Variants in SLC44A5 observed in about 807,000 individuals in gnomAD.
The protein encoded by SLC44A5 is choline transporter-like protein 5.
In SLC44A5, 57 loss-of-function variants were observed where a neutral mutation model predicts 101.8. The ratio of observed to expected loss-of-function variants is 0.56; its 90% confidence interval spans 0.45 to 0.70. The LOEUF (loss-of-function observed/expected upper bound fraction) is 0.70, where lower values mean the gene tolerates loss of function less well. Ranked by LOEUF, SLC44A5 falls within the 30% of genes least tolerant of loss-of-function variation. The pLI, the probability that SLC44A5 is intolerant of heterozygous loss-of-function variation, is 0.00. For synonymous variants in SLC44A5, 281 were observed against 290.9 expected (o/e 0.97, Z 0.35); for missense variants, 737 against 853.1 (o/e 0.86, Z 1.70).
intron 2 of SLC44A5, among the ~76,000 whole-genome samples, chr1:75,503,602 T>C (rs1669087909): frequency 6.6e-6 from 1 of 152,202 alleles, no homozygotes; most frequent in South Asian, 2.1e-4. Flanking sequence ...CAGGTAGTTC[T>C]TTATAGCAGT....
At chr1:75,288,823 G>A (rs1653286757) in intron 5 of SLC44A5, among the ~76,000 whole-genome samples, 1 of 152,204 alleles carries the variant, frequency 6.6e-6, no homozygotes, top group Admixed American at 6.5e-5. Flanking sequence ...GGTAAGGACA[G>A]TACTGCATCT....
At chr1:75,544,609 C>G (rs965824385) in intron 1 of SLC44A5, among the ~76,000 whole-genome samples, 1 of 152,084 alleles carries the variant, frequency 6.6e-6, no homozygotes, top group African/African-American at 2.4e-5. Flanking sequence ...GTTCATTTCC[C>G]AATAAAGAAT....
At chr1:75,676,269 C>T in the SLC44A5 span, among the ~76,000 whole-genome samples, 5 of 152,146 alleles carry the variant, frequency 3.3e-5, no homozygotes, top group Admixed American at 3.3e-4. Flanking sequence ...CAGCACTATT[C>T]ACAATCACAA....
At chr1:75,399,820 T>C (rs960398408) in intron 2 of SLC44A5, among the ~76,000 whole-genome samples, 3 of 152,216 alleles carry the variant, frequency 2.0e-5, no homozygotes, top group Non-Finnish European at 2.9e-5. Flanking sequence ...CTTTCTGTAA[T>C]GCATGTAAAA....
chr1:75,621,411 G>A, the SLC44A5 span, among the ~76,000 whole-genome samples: 3 of 152,270 alleles, frequency 2.0e-5, no homozygotes, highest in South Asian at 6.2e-4. Flanking sequence ...GAAGTATTAA[G>A]TAAGCTCAAC....
chr1:75,590,199 A>G (rs1674270322), intron 1 of SLC44A5, among the ~76,000 whole-genome samples: 1 of 151,930 alleles, frequency 6.6e-6, no homozygotes, highest in Non-Finnish European at 1.5e-5. Flanking sequence ...GAGAAGACTC[A>G]GGAGGATTTT....
At chr1:75,466,688 T>C (rs962508513) in intron 2 of SLC44A5, among the ~76,000 whole-genome samples, 3 of 134,776 alleles carry the variant, frequency 2.2e-5, no homozygotes, top group African/African-American at 8.3e-5. Flanking sequence ...AGAAGGAACA[T>C]ACCTCAATAG....
At chr1:75,285,639 T>C (rs528486636) in intron 5 of SLC44A5, among the ~76,000 whole-genome samples, 1 of 152,242 alleles carries the variant, frequency 6.6e-6, no homozygotes, top group African/African-American at 2.4e-5. Flanking sequence ...CCACTTTTGC[T>C]GTATCCCAGA....
chr1:75,666,012 A>G, the SLC44A5 span, among the ~76,000 whole-genome samples: 4,829 of 152,276 alleles, frequency 0.032, 256 homozygotes, highest in African/African-American at 0.11. Flanking sequence ...ATGCTTATAT[A>G]CTGTTGATAG....
In SLC44A5 at chr1:75,544,078, T is replaced by C. The variant is rs142483310; in HGVS notation, c.-69-2562A>G. Among the ~76,000 whole-genome samples the C allele has an allele frequency of 1.3e-3, 205 of 152,316 alleles. 2 individuals carry two copies. The highest frequency in any genetic ancestry group is 4.8e-3 in the African/African-American group (200 of 41,568). ...ACTTATGGTGAAATTTAATTGCCAT[T>C]GTAACAATATTAAGAAGTGGGATCT... On this transcript the variant is annotated intron_variant, in intron 1 of 23. Transcript: ENST00000370859.
In SLC44A5 at chr1:75,591,124, T is replaced by A. The variant is rs899853599; in HGVS notation, c.-70+19916A>T. Among the ~76,000 whole-genome samples, 4 of 152,292 alleles carry A rather than the reference T, an allele frequency of 2.6e-5. No homozygotes were observed. In the East Asian group the frequency reaches 7.7e-4, roughly 29 times the overall value. On this transcript the variant is annotated intron_variant, in intron 1 of 23. Transcript: ENST00000370859. ...AGTAGGGGAAATAAACAAGAGTCTC[T>A]GCCTGGTAATCCAGAGAATTCTCCT...
chr1:75,408,432 T>C (rs920602010), intron 2 of SLC44A5, among the ~76,000 whole-genome samples: 6 of 152,194 alleles, frequency 3.9e-5, no homozygotes, highest in African/African-American at 1.4e-4. Context: ...ATTGCAGCAC[T>C]ATTCACAACA....
intron 4 of SLC44A5, among the ~76,000 whole-genome samples, chr1:75,322,377 T>C (rs567507769): frequency 6.0e-5 from 9 of 150,728 alleles, no homozygotes; most frequent in African/African-American, 2.0e-4. Context: ...AATACATCCT[T>C]ATTATTTGCT....
chr1:75,712,697 GAAAA>G, the SLC44A5 span, among the ~76,000 whole-genome samples: 2 of 22,138 alleles, frequency 9.0e-5, no homozygotes, highest in South Asian at 1.7e-3. Flanking sequence ...AAGCATTTGA[GAAAA>G]AAAAAAAAAA....
intron 4 of SLC44A5, among the ~76,000 whole-genome samples, chr1:75,337,318 G>A (rs1210324908): frequency 1.3e-5 from 2 of 152,144 alleles, no homozygotes; most frequent in East Asian, 3.9e-4. Flanking sequence ...TTATCAGTAG[G>A]CTTCCTACAA....
chr1:75,545,927 A>G (rs1671626507), intron 1 of SLC44A5, among the ~76,000 whole-genome samples: 1 of 151,776 alleles, frequency 6.6e-6, no homozygotes, highest in Non-Finnish European at 1.5e-5. Context: ...CCTCGGCTCA[A>G]GTGATTCGTC....
chr1:75,680,511 A>G, the SLC44A5 span, among the ~76,000 whole-genome samples: 3 of 150,582 alleles, frequency 2.0e-5, no homozygotes. Context: ...CTGAATGACT[A>G]CTGGGTACAT....
intron 1 of SLC44A5, among the ~76,000 whole-genome samples, chr1:75,590,540 T>A (rs975275916): frequency 6.6e-6 from 1 of 152,146 alleles, no homozygotes; most frequent in Non-Finnish European, 1.5e-5. Flanking sequence ...ACAGCATTTC[T>A]GAACCTGCCC....
At chr1:75,263,614 G>A (rs1315482783) in intron 6 of SLC44A5, among the ~76,000 whole-genome samples, 1 of 152,136 alleles carries the variant, frequency 6.6e-6, no homozygotes, top group Non-Finnish European at 1.5e-5. Flanking sequence ...ATTTGACCCA[G>A]CAATCCCATT....
Sources: gnomAD v4.1 joint callset for allele counts (sites outside exome capture counted in the v4.1 genomes callset) on GRCh38, gnomAD v4.1.1 for gene constraint, MANE v1.5 for transcripts, NCBI Gene and HGNC (gene_info 2026-07-23, HGNC 2026-07-21) for gene names.